Variants in YOD1 observed in about 807,000 individuals in gnomAD.
YOD1 encodes YOD1 deubiquitinase.
Under a neutral mutation model 23.7 loss-of-function variants are expected in YOD1, and 17 were observed. That is an observed-to-expected ratio of 0.72 (90% CI 0.49 to 1.07). YOD1 has a LOEUF of 1.07. YOD1 is among the 50% of genes least tolerant of loss of function. The probability of loss-of-function intolerance (pLI) is 0.00; values close to 1 mark genes in which losing one functional copy is unlikely to be tolerated. For missense variants in YOD1, 413 were observed against 447.2 expected (o/e 0.92, Z 0.69); for synonymous variants, 191 against 169.6 (o/e 1.13, Z -0.98).
At position 207,050,712 on chromosome 1, in the gene YOD1, G is replaced by A. The variant is rs36074761; in HGVS notation, c.319C>T (p.Leu107=). Residue 107 remains leucine (L), a synonymous_variant, in exon 1 of 2, where the codon CTG becomes TTG. Transcript: ENST00000315927. ...CCAGATTGGATGGGCAAGTCTTCCA[G>A]AATGGTATCCCCATTGCTGAGATCC... The part of the protein sequence containing the change: ...CLDLSNGDTI[L]EDLPIQSGDM... 3 of 1,613,046 alleles carry A rather than the reference G, an allele frequency of 1.9e-6. No individual in the cohort carries two copies. Among genetic ancestry groups the A allele is most frequent in the Admixed American group, 1.7e-5 (1 of 60,000 alleles).
chr1:207,049,516 C>T lies in YOD1; in HGVS notation c.551G>A (p.Arg184His), dbSNP rs1286433880. Residue 184 changes from arginine (R) to histidine (H), a missense_variant, in exon 2 of 2, where the codon CGC becomes CAC. Arg to His is a conservative substitution (Grantham distance 29, BLOSUM62 0). Transcript: ENST00000315927. ...LNPACAPEMR[R>H]LIAQIVASDP... The stretch of plus-strand genomic sequence containing the variant: ...GCTTGCTACAATTTGTGCTATGAGG[C>T]GTCTCATCTCAGGGGCACAAGCTGG... 6 of 1,614,130 alleles carry T rather than the reference C, an allele frequency of 3.7e-6. No individual in the cohort carries two copies. The highest frequency in any genetic ancestry group is 2.2e-5 in the South Asian group (2 of 91,082).
Position 207,048,995 on chromosome 1 carries a change from G to T in YOD1, c.*25C>A. 1 of 1,597,460 alleles carries T rather than the reference G, an allele frequency of 6.3e-7. No individual in the cohort carries two copies. The highest frequency in any genetic ancestry group is 8.5e-7 in the Non-Finnish European group (1 of 1,170,028). ...GCCTTCTGGATGTGTGAGGTAGTAG[G>T]CTTCAACCCTCATTCATGCATAGGT... On this transcript the variant is annotated 3_prime_UTR_variant, in exon 2 of 2. Coordinates refer to ENST00000315927, the MANE Select transcript of YOD1 (RefSeq NM_018566.4).
rs949379261 is a variant in YOD1, at chr1:207,050,087, A to G, written c.344-364T>C. Among the ~76,000 whole-genome samples, 5 of 152,182 alleles carry G rather than the reference A, an allele frequency of 3.3e-5. No homozygotes were observed. The East Asian group carries it at 9.6e-4, about 29-fold the overall frequency. On this transcript the variant is annotated intron_variant, in intron 1 of 1. Transcript: ENST00000315927. ...GCTAGGGGGTTCTCCTTCTCCGGAA[A>G]CTTATCTACTCTAGAGTGTTTACAA...
Position 207,051,073 on chromosome 1 carries a change from T to C in YOD1, c.-43A>G. 6.8e-7 allele frequency: 1 copy of C among 1,463,560 alleles called. No individual in the cohort carries two copies. Among genetic ancestry groups the C allele is most frequent in the Non-Finnish European group, 9.0e-7 (1 of 1,111,164 alleles). 90.7% of individuals were successfully genotyped at this position (1,463,560 alleles called of 1,614,324 possible). A position where few individuals can be genotyped will look rare whatever the true frequency, so the allele number is the denominator to read the frequency against. Reference sequence around the variant, plus strand: ...GGTTGCAGTTATCGCGACGCTTCGGTGCGGCTTCTGCCTTAGTACCTTAGC... The same window carrying C: ...GGTTGCAGTTATCGCGACGCTTCGGCGCGGCTTCTGCCTTAGTACCTTAGC... On this transcript the variant is annotated 5_prime_UTR_variant, in exon 1 of 2. Transcript: ENST00000315927.
chr1:207,044,316 C>G lies in YOD1; in HGVS notation c.*4704G>C, dbSNP rs1682542891. On this transcript the variant is annotated 3_prime_UTR_variant, in exon 2 of 2. Transcript: ENST00000315927. ...TTCAAATTTTTTTCAAGGAAAAATACTATTCTGCTAAGTACATATTTCCTG... is the reference window on the plus strand; with the variant it reads ...TTCAAATTTTTTTCAAGGAAAAATAGTATTCTGCTAAGTACATATTTCCTG... The G allele has an allele frequency of 6.6e-6, 1 of 152,512 alleles. No homozygotes were observed. The highest frequency in any genetic ancestry group is 2.1e-4 in the South Asian group (1 of 4,820). The allele number at this position is 152,512 out of a possible 1,614,324, so 9.4% of individuals were successfully genotyped here.
In YOD1 at chr1:207,045,818, A is replaced by G. The variant is rs1682587212; in HGVS notation, c.*3202T>C. Reference sequence around the variant, plus strand: ...ACATAATGTTAGTTAATTCCTCATTATTATTTTGCTGGGACTTCATGGAAT... The same window carrying G: ...ACATAATGTTAGTTAATTCCTCATTGTTATTTTGCTGGGACTTCATGGAAT... On this transcript the variant is annotated 3_prime_UTR_variant, in exon 2 of 2. Coordinates refer to ENST00000315927, the MANE Select transcript of YOD1 (RefSeq NM_018566.4). 1 of 150,686 alleles carries G rather than the reference A, an allele frequency of 6.6e-6. No individual in the cohort carries two copies. The highest frequency in any genetic ancestry group is 2.5e-5 in the African/African-American group (1 of 40,182). 9.3% of individuals were successfully genotyped at this position (150,686 alleles called of 1,614,324 possible). A position where few individuals can be genotyped will look rare whatever the true frequency, so the allele number is the denominator to read the frequency against.
Position 207,043,974 on chromosome 1 carries a change from G to C in YOD1, c.*5046C>G, listed in dbSNP as rs1465214420. ...ACAATGGCAAAATCACATAAGAGTT[G>C]TAGAAAATGAAGTTAGACATCTTCC... is the stretch of plus-strand genomic sequence containing the variant. On this transcript the variant is annotated 3_prime_UTR_variant, in exon 2 of 2. Coordinates refer to ENST00000315927, the MANE Select transcript of YOD1 (RefSeq NM_018566.4). 1 of 152,566 alleles carries C rather than the reference G, an allele frequency of 6.6e-6. No individual in the cohort carries two copies. The highest frequency in any genetic ancestry group is 1.5e-5 in the Non-Finnish European group (1 of 67,986). The allele number at this position is 152,566 out of a possible 1,614,324, so 9.5% of individuals were successfully genotyped here.
chr1:207,051,254 C>T (rs1027563698), upstream of YOD1, among the ~76,000 whole-genome samples: 9 of 152,068 alleles, frequency 5.9e-5, no homozygotes, highest in Non-Finnish European at 1.3e-4. Flanking sequence ...GAAAAGAGGG[C>T]GGGGGAAGGA....
chr1:207,049,569 G>T lies in YOD1; in HGVS notation c.498C>A (p.Tyr166Ter). 1 of 1,614,162 alleles carries T rather than the reference G, an allele frequency of 6.2e-7. No individual in the cohort carries two copies. The highest frequency in any genetic ancestry group is 2.2e-5 in the East Asian group (1 of 44,880). ...TCAAGACTCCTCCTTCGACGACATA[G>T]TACACACTAGTAAAGAGGCAAGAGT... Reference protein sequence around the residue: ...ADNSCLFTSVYYVVEGGVLNP... With the variant: ...ADNSCLFTSV The change falls in exon 2 of 2, where the codon TAC becomes TAA. Residue 166 changes from tyrosine to a stop codon, truncating the protein, a stop_gained. Coordinates refer to ENST00000315927, the MANE Select transcript of YOD1 (RefSeq NM_018566.4). LOFTEE classifies it high-confidence loss of function.
At chr1:207,052,552 T>G (rs1463258833), upstream of YOD1, among the ~76,000 whole-genome samples, 1 of 152,022 alleles carries the variant, frequency 6.6e-6, no homozygotes, top group Non-Finnish European at 1.5e-5. Context: ...TTCTAGATAC[T>G]GGGAGGCAGG....
chr1:207,052,398 A>T, upstream of YOD1: 1 of 589,700 alleles, frequency 1.7e-6, no homozygotes, highest in Non-Finnish European at 3.0e-6. Flanking sequence ...GCAGTGGCTC[A>T]CACCTGTAAT....
rs918185011 is a variant in YOD1 at position 207,049,025 on chromosome 1, C to T, written c.1042G>A (p.Val348Met). 5.6e-6 allele frequency: 9 copies of T among 1,612,752 alleles called. No individual in the cohort carries two copies. In the South Asian group the frequency reaches 9.9e-5, roughly 18 times the overall value. ...KETGHTNFGE[V>M] is the part of the protein sequence containing the mutation. The stretch of plus-strand genomic sequence containing the variant: ...AACCCTCATTCATGCATAGGTCACA[C>T]TTCTCCAAAGTTGGTATGGCCTGTC... Residue 348 changes from valine (V) to methionine (M), a missense_variant, in exon 2 of 2, where the codon GTG becomes ATG. Val to Met is a conservative substitution (Grantham distance 21). Transcript: ENST00000315927.
rs1271110116 is a variant in YOD1 at position 207,049,238 on chromosome 1, C to G, written c.829G>C (p.Asp277His). ...HYDPLQRNFP[D>H]PDTPPLTIFS... is the part of the protein sequence containing the mutation. Reference sequence around the variant, plus strand: ...ATGGTCAGAGGAGGTGTATCTGGATCAGGGAAGTTACGCTGAAGTGGATCA... The same window carrying G: ...ATGGTCAGAGGAGGTGTATCTGGATGAGGGAAGTTACGCTGAAGTGGATCA... The change falls in exon 2 of 2, where the codon GAT (aspartate) becomes CAT (histidine). Residue 277 changes from aspartate (D) to histidine (H), a missense_variant. By Grantham distance (81) the Asp-to-His change is moderately conservative. Transcript: ENST00000315927. 1 of 1,614,084 alleles carries G rather than the reference C, an allele frequency of 6.2e-7. No individual in the cohort carries two copies. Among genetic ancestry groups the G allele is most frequent in the Admixed American group, 1.7e-5 (1 of 60,016 alleles).
chr1:207,049,775 G>C (rs1388112912), intron 1 of YOD1, 52 bp from the exon 2 acceptor site: 4 of 1,514,700 alleles, frequency 2.6e-6, no homozygotes, highest in Non-Finnish European at 3.6e-6. Flanking sequence ...AGAAGAAACC[G>C]AGTGTTCTCT....
At chr1:207,049,764 C>T in intron 1 of YOD1, 41 bp from the exon 2 acceptor site, 4 of 1,549,738 alleles carry the variant, frequency 2.6e-6, no homozygotes, top group Non-Finnish European at 3.5e-6. Context: ...AAAGAAATTA[C>T]AGAAGAAACC....
Position 207,051,146 on chromosome 1 carries a change from G to C in YOD1, c.-116C>G. 7.0e-7 allele frequency: 1 copy of C among 1,421,284 alleles called. No individual in the cohort carries two copies. Among genetic ancestry groups the C allele is most frequent in the Non-Finnish European group, 9.1e-7 (1 of 1,093,030 alleles). 88.0% of individuals were successfully genotyped at this position (1,421,284 alleles called of 1,614,324 possible). ...ACAACTGATTTTTCCCCCACCCTCA[G>C]AACGAAGATGTAAACCTCCGTATTC... On this transcript the variant is annotated 5_prime_UTR_variant, in exon 1 of 2. Transcript: ENST00000315927.
chr1:207,053,054 A>C (rs1224706349), upstream of YOD1: 3 of 152,242 alleles, frequency 2.0e-5, no homozygotes. Context: ...ACCAAGCAAC[A>C]GTGCCACCAG....
In YOD1 at chr1:207,048,543, G is replaced by A. The variant is rs2102325327; in HGVS notation, c.*477C>T. On this transcript the variant is annotated 3_prime_UTR_variant, in exon 2 of 2. Transcript: ENST00000315927. ...GAGACACTGTGGTAAATGTCCAGTG[G>A]ACTCACAGGAGGCCTTCCACATTAC... is the stretch of plus-strand genomic sequence containing the variant. 1 of 155,698 alleles carries A rather than the reference G, an allele frequency of 6.4e-6. No homozygotes were observed. Among genetic ancestry groups the A allele is most frequent in the South Asian group, 2.0e-4 (1 of 5,068 alleles). The allele number at this position is 155,698 out of a possible 1,614,324, so 9.6% of individuals were successfully genotyped here.
At position 207,048,761 on chromosome 1, in the gene YOD1, T is replaced by C. The variant is rs1682660148; in HGVS notation, c.*259A>G. The stretch of plus-strand genomic sequence containing the variant: ...ATCTCAACCTTCAGGTCAGTGTCAG[T>C]AGGTGGCAAGGATCACCTATTCTGT... On this transcript the variant is annotated 3_prime_UTR_variant, in exon 2 of 2. Coordinates refer to ENST00000315927, the MANE Select transcript of YOD1 (RefSeq NM_018566.4). 1 of 438,690 alleles carries C rather than the reference T, an allele frequency of 2.3e-6. No individual in the cohort carries two copies. Among genetic ancestry groups the C allele is most frequent in the Admixed American group, 4.0e-5 (1 of 24,702 alleles). The allele number at this position is 438,690 out of a possible 1,614,324, so 27.2% of individuals were successfully genotyped here.
Sources: gnomAD v4.1 joint callset for allele counts (sites outside exome capture counted in the v4.1 genomes callset) on GRCh38, gnomAD v4.1.1 for gene constraint, MANE v1.5 for transcripts, NCBI Gene and HGNC (gene_info 2026-07-23, HGNC 2026-07-21) for gene names.